Variants in ABAT observed in about 807,000 individuals in gnomAD.
ABAT encodes 4-aminobutyrate aminotransferase, mitochondrial.
ABAT carries 45 observed loss-of-function variants against 64.6 expected under a neutral mutation model. The observed-to-expected ratio is 0.70, with a 90% CI of 0.55 to 0.89. The LOEUF is 0.89. ABAT is among the 40% of genes least tolerant of loss of function. ABAT has a pLI of 0.00. For synonymous variants in ABAT, 297 were observed against 250.5 expected (o/e 1.19, Z -1.75); for missense variants, 633 against 658.4 (o/e 0.96, Z 0.42).
At chr16:8,705,168 C>G (rs953995825) in intron 1 of ABAT, among the ~76,000 whole-genome samples, 7 of 152,064 alleles carry the variant, frequency 4.6e-5, no homozygotes, top group African/African-American at 1.7e-4. Flanking sequence ...GCTTAATTGA[C>G]TCACAGTTCC....
intron 14 of ABAT, among the ~76,000 whole-genome samples, chr16:8,777,972 C>T (rs1014271296): frequency 6.6e-6 from 1 of 152,062 alleles, no homozygotes. Context: ...ACAAATTGTG[C>T]ACATAAGTGT....
At chr16:8,770,381 C>G (rs1354557755) in intron 11 of ABAT, among the ~76,000 whole-genome samples, 1 of 152,118 alleles carries the variant, frequency 6.6e-6, no homozygotes, top group African/African-American at 2.4e-5. Flanking sequence ...TTGTGATCCG[C>G]CCGCCTCGGC....
At chr16:8,755,763 A>T (rs1055493514) in intron 5 of ABAT, among the ~76,000 whole-genome samples, 2 of 150,938 alleles carry the variant, frequency 1.3e-5, no homozygotes, top group African/African-American at 4.9e-5. Context: ...ATACAAAAAA[A>T]TTGTGGCTGG....
intron 4 of ABAT, among the ~76,000 whole-genome samples, chr16:8,749,127 G>C (rs920760856): frequency 7.0e-6 from 1 of 142,674 alleles, no homozygotes; most frequent in African/African-American, 2.6e-5. Context: ...TGCTCTTATT[G>C]CCCAGGCTAG....
chr16:8,686,639 G>C (rs1567270346), intron 1 of ABAT, among the ~76,000 whole-genome samples: 1 of 152,114 alleles, frequency 6.6e-6, no homozygotes, highest in South Asian at 2.1e-4. Context: ...ACTCGCCCAG[G>C]GTCTCCTACT....
chr16:8,748,174 C>G, intron 4 of ABAT, 37 bp downstream of exon 4: 1 of 1,594,978 alleles, frequency 6.3e-7, no homozygotes, highest in Non-Finnish European at 8.6e-7. Context: ...TCTGTTGCTT[C>G]TTTATCACAA....
intron 11 of ABAT, among the ~76,000 whole-genome samples, chr16:8,769,460 G>A (rs569088135): frequency 4.7e-4 from 71 of 150,728 alleles, no homozygotes; most frequent in African/African-American, 1.7e-3. Context: ...TAGGGAGGCT[G>A]AGGCACAAGA....
chr16:8,695,610 G>A (rs2057684970), intron 1 of ABAT, among the ~76,000 whole-genome samples: 1 of 152,212 alleles, frequency 6.6e-6, no homozygotes, highest in South Asian at 2.1e-4. Context: ...CATCAGTGAT[G>A]TCTGGAAATC....
intron 5 of ABAT, chr16:8,757,223 A>C: frequency 2.2e-6 from 1 of 450,122 alleles, no homozygotes; most frequent in African/African-American, 2.0e-5. Flanking sequence ...GCTGGAGTGC[A>C]GTGGCGTGAT....
In ABAT at chr16:8,722,783, T is replaced by C. The variant is rs762724488; in HGVS notation, c.-41-12916T>C. ...TTTCCCCAGATGCGCCCATCCAGGG[T>C]CTAGCGGATTGCAAAGGGCCTGGTA... On this transcript the variant is annotated intron_variant, in intron 1 of 15. Coordinates refer to ENST00000268251, the MANE Select transcript of ABAT (RefSeq NM_020686.6). The C allele has an allele frequency of 3.5e-4, 454 of 1,287,494 alleles. 1 individual carries two copies. The highest frequency in any genetic ancestry group is 4.4e-4 in the Non-Finnish European group (436 of 987,470). 79.8% of individuals were successfully genotyped at this position (1,287,494 alleles called of 1,614,324 possible). A position where few individuals can be genotyped will look rare whatever the true frequency, so the allele number is the denominator to read the frequency against.
intron 1 of ABAT, among the ~76,000 whole-genome samples, chr16:8,693,015 G>T (rs2057620948): frequency 6.6e-6 from 1 of 152,032 alleles, no homozygotes; most frequent in Non-Finnish European, 1.5e-5. Flanking sequence ...CACCACATCT[G>T]GCTAATTTTT....
intron 1 of ABAT, among the ~76,000 whole-genome samples, chr16:8,706,424 G>C (rs866335630): frequency 1.0e-5 from 1 of 97,510 alleles, no homozygotes; most frequent in South Asian, 3.8e-4. Context: ...AAAAAAAAAA[G>C]AAAAGACCAG....
intron 14 of ABAT, among the ~76,000 whole-genome samples, chr16:8,778,819 G>A (rs978615754): frequency 6.6e-6 from 1 of 151,976 alleles, no homozygotes; most frequent in Non-Finnish European, 1.5e-5. Context: ...TTGCATTAGG[G>A]GCCATTCTAA....
At chr16:8,705,628 G>GTGAT (rs2057923013) in intron 1 of ABAT, 1 of 152,230 alleles carries the variant, frequency 6.6e-6, no homozygotes, top group Non-Finnish European at 1.5e-5. Context: ...AGAGCCAGGG[G>GTGAT]TGATGGTCTG....
intron 1 of ABAT, among the ~76,000 whole-genome samples, chr16:8,716,517 G>A (rs1195742899): frequency 6.6e-6 from 1 of 152,152 alleles, no homozygotes; most frequent in East Asian, 1.9e-4. Flanking sequence ...TCTGTACCCA[G>A]GGCGTGCTTC....
chr16:8,739,924 A>G lies in ABAT; in HGVS notation c.70+4115A>G, dbSNP rs556591470. Among the ~76,000 whole-genome samples the G allele has an allele frequency of 2.6e-5, 4 of 151,638 alleles. No individual in the cohort carries two copies. The South Asian group carries it at 8.4e-4, about 32-fold the overall frequency. On this transcript the variant is annotated intron_variant, in intron 2 of 15. Transcript: ENST00000268251. ...GACTTATTGATTTGGGATATCTAGTAAGCCAGAATATGGTTTTTTAAGAAT... is the reference window on the plus strand; with the variant it reads ...GACTTATTGATTTGGGATATCTAGTGAGCCAGAATATGGTTTTTTAAGAAT...
rs2060423188 is a variant in ABAT at position 8,781,112 on chromosome 16, A to G, written c.1382-197A>G. 3.8e-6 allele frequency: 3 copies of G among 799,038 alleles called. No individual in the cohort carries two copies. In the African/African-American group the frequency reaches 5.0e-5, roughly 13 times the overall value. 49.5% of individuals were successfully genotyped at this position (799,038 alleles called of 1,614,324 possible). On this transcript the variant is annotated intron_variant, in intron 15 of 15. Coordinates refer to ENST00000268251, the MANE Select transcript of ABAT (RefSeq NM_020686.6). This position sits in a 1 kb window ranked among gnomAD's most constrained non-coding sequence, Gnocchi z 4.5. Reference sequence around the variant, plus strand: ...AAGAAGAGAATGATGGAGGAGATGAATGAGGGGAGAGAGAAAGGAAATGAA... The same window carrying G: ...AAGAAGAGAATGATGGAGGAGATGAGTGAGGGGAGAGAGAAAGGAAATGAA...
At chr16:8,693,442 G>C (rs1414539582) in intron 1 of ABAT, among the ~76,000 whole-genome samples, 1 of 152,122 alleles carries the variant, frequency 6.6e-6, no homozygotes, top group East Asian at 1.9e-4. Context: ...TGTTATTGAA[G>C]GGAATACTCT....
chr16:8,758,792 T>C (rs921063496), intron 6 of ABAT, among the ~76,000 whole-genome samples: 1 of 152,156 alleles, frequency 6.6e-6, no homozygotes, highest in African/African-American at 2.4e-5. Context: ...TAGAGAGCCA[T>C]TGCACATTTA....
Sources: gnomAD v4.1 joint callset for allele counts (sites outside exome capture counted in the v4.1 genomes callset) on GRCh38, gnomAD v4.1.1 for gene constraint, Gnocchi (gnomAD v3.1) non-coding constraint, MANE v1.5 for transcripts, NCBI Gene and HGNC (gene_info 2026-07-23, HGNC 2026-07-21) for gene names.